DPP10: variants seen among roughly 807,000 people sequenced by gnomAD.
DPP10 encodes the protein inactive dipeptidyl peptidase 10.
A neutral mutation model predicts 120.9 loss-of-function variants in DPP10; 33 were observed. That is an observed-to-expected ratio of 0.27 (90% CI 0.21 to 0.37). The LOEUF is 0.37. DPP10 is among the 10% of genes least tolerant of loss of function. DPP10 has a pLI of 1.00. For synonymous variants in DPP10, 337 were observed against 326.1 expected, an observed-to-expected ratio of 1.03 and a Z score of -0.36; for missense variants, 816 against 942.8, an observed-to-expected ratio of 0.87 and a Z score of 1.76.
chr2:114,755,179 T>G (rs944522425), intron 1 of DPP10, among the ~76,000 whole-genome samples: 7 of 152,182 alleles, frequency 4.6e-5, no homozygotes, highest in Admixed American at 6.5e-5. Context: ...AGGAAGTGAA[T>G]CTATGTTAGT....
chr2:114,643,843 T>C (rs1203863308), intron 1 of DPP10, among the ~76,000 whole-genome samples: 1 of 151,300 alleles, frequency 6.6e-6, no homozygotes, highest in African/African-American at 2.4e-5. Context: ...CTAGTTTCTC[T>C]AAACCCACTT....
intron 3 of DPP10, among the ~76,000 whole-genome samples, chr2:115,408,862 A>G (rs2068726178): frequency 6.6e-6 from 1 of 152,134 alleles, no homozygotes; most frequent in African/African-American, 2.4e-5. Context: ...AAAAAACATA[A>G]AAAATTTAAT....
At chr2:115,514,641 A>C in intron 4 of DPP10, among the ~76,000 whole-genome samples, 1 of 151,914 alleles carries the variant, frequency 6.6e-6, no homozygotes, top group South Asian at 2.1e-4. Context: ...TTAATTAATT[A>C]AAATCATGTA....
chr2:114,717,177 G>A (rs971377043), intron 1 of DPP10, among the ~76,000 whole-genome samples: 3 of 152,130 alleles, frequency 2.0e-5, no homozygotes, highest in African/African-American at 4.8e-5. Context: ...ATTAGGAGAC[G>A]ACTTTGCAAT....
intron 1 of DPP10, among the ~76,000 whole-genome samples, chr2:115,121,981 A>T (rs2049847641): frequency 6.6e-6 from 1 of 152,228 alleles, no homozygotes; most frequent in African/African-American, 2.4e-5. Context: ...TTGGGTATGC[A>T]TCGAAGGGTC....
At chr2:114,760,578 G>C (rs1228661336) in intron 1 of DPP10, among the ~76,000 whole-genome samples, 2 of 151,168 alleles carry the variant, frequency 1.3e-5, no homozygotes, top group Non-Finnish European at 2.9e-5. Context: ...TCTCCCACTT[G>C]GACAAGTACC....
chr2:114,790,162 A>G (rs1683117738), intron 1 of DPP10, among the ~76,000 whole-genome samples: 1 of 152,224 alleles, frequency 6.6e-6, no homozygotes, highest in Non-Finnish European at 1.5e-5. Context: ...CACTTTAAAA[A>G]GCTCAGCAAC....
intron 1 of DPP10, among the ~76,000 whole-genome samples, chr2:114,892,531 T>C (rs1378953091): frequency 6.6e-6 from 1 of 152,230 alleles, no homozygotes; most frequent in Non-Finnish European, 1.5e-5. Context: ...ACAAAGGATC[T>C]ACAGAGCAGG....
At chr2:114,487,566 A>G (rs954963457) in intron 1 of DPP10, among the ~76,000 whole-genome samples, 3 of 152,238 alleles carry the variant, frequency 2.0e-5, no homozygotes, top group African/African-American at 7.2e-5. Flanking sequence ...TTAATTGAAC[A>G]ATTAAAAATG....
At chr2:114,809,692 T>C (rs975781050) in intron 1 of DPP10, among the ~76,000 whole-genome samples, 5 of 152,178 alleles carry the variant, frequency 3.3e-5, no homozygotes, top group African/African-American at 1.2e-4. Context: ...GTCCTCTTAC[T>C]TGGAGGCTGT....
At chr2:114,927,788 A>G (rs1442665523) in intron 1 of DPP10, among the ~76,000 whole-genome samples, 3 of 152,202 alleles carry the variant, frequency 2.0e-5, no homozygotes. Context: ...TGCAGGCTGT[A>G]CAAGACGCAT....
At chr2:114,477,919 GTATATATGTACATA>G (rs1680630764) in intron 1 of DPP10, among the ~76,000 whole-genome samples, 1 of 143,530 alleles carries the variant, frequency 7.0e-6, no homozygotes, top group African/African-American at 2.5e-5. Context: ...ACATATATGT[GTATATATGTACATA>G]TGTGTATATA....
intron 1 of DPP10, among the ~76,000 whole-genome samples, chr2:114,958,688 A>G (rs1210734099): frequency 6.6e-6 from 1 of 152,182 alleles, no homozygotes; most frequent in Non-Finnish European, 1.5e-5. Flanking sequence ...AATTGTTTTG[A>G]TGGTATATTA....
At chr2:114,630,930 T>C (rs1478293613) in intron 1 of DPP10, among the ~76,000 whole-genome samples, 5 of 152,062 alleles carry the variant, frequency 3.3e-5, no homozygotes, top group Non-Finnish European at 5.9e-5. Context: ...ACATTTGATA[T>C]GTGTCTCCCT....
chr2:114,848,241 C>G (rs1688690733), intron 1 of DPP10, among the ~76,000 whole-genome samples: 1 of 152,194 alleles, frequency 6.6e-6, no homozygotes, highest in African/African-American at 2.4e-5. Context: ...GAAACTTTAA[C>G]TCCCTGTCTG....
chr2:114,485,876 T>C (rs1422858551), intron 1 of DPP10, among the ~76,000 whole-genome samples: 1 of 152,116 alleles, frequency 6.6e-6, no homozygotes, highest in Admixed American at 6.6e-5. Context: ...GGATTAGAGA[T>C]GGGAAACGTG....
chr2:115,556,809 C>A (rs942272990), intron 5 of DPP10, among the ~76,000 whole-genome samples: 1 of 152,086 alleles, frequency 6.6e-6, no homozygotes, highest in East Asian at 1.9e-4. Flanking sequence ...TATCTGAAAA[C>A]GGCCAAAAAC....
intron 3 of DPP10, among the ~76,000 whole-genome samples, chr2:115,367,517 A>G (rs2065149717): frequency 6.6e-6 from 1 of 152,032 alleles, no homozygotes; most frequent in Admixed American, 6.6e-5. Flanking sequence ...TAACTATCAT[A>G]TGACTTTTTA....
intron 3 of DPP10, among the ~76,000 whole-genome samples, chr2:115,497,275 G>A (rs2076448254): frequency 6.6e-6 from 1 of 152,038 alleles, no homozygotes; most frequent in African/African-American, 2.4e-5. Context: ...GAGGTTTAGG[G>A]AGGGACTATT....
Sources: gnomAD v4.1 joint callset for allele counts (sites outside exome capture counted in the v4.1 genomes callset) on GRCh38, gnomAD v4.1.1 for gene constraint, MANE v1.5 for transcripts, NCBI Gene and HGNC (gene_info 2026-07-23, HGNC 2026-07-21) for gene names.